The following FRA10AC1 variants were observed in gnomAD, a reference collection of about 807,000 sequenced individuals.
The protein encoded by FRA10AC1 is FRA10A associated CGG repeat 1, also known as protein FRA10AC1.
A neutral mutation model predicts 56.5 loss-of-function variants in FRA10AC1; 43 were observed. That is an observed-to-expected ratio of 0.76 (90% CI 0.60 to 0.98). The LOEUF (loss-of-function observed/expected upper bound fraction) is 0.98. Ranked by LOEUF, FRA10AC1 falls within the 50% of genes least tolerant of loss-of-function variation. FRA10AC1 has a pLI of 0.00. For missense variants in FRA10AC1, 346 were observed against 351.8 expected (o/e 0.98, Z 0.13); for synonymous variants, 112 against 110.5 (o/e 1.01, Z -0.09).
intron 2 of FRA10AC1, among the ~76,000 whole-genome samples, chr10:93,699,814 C>G (rs1330194435): frequency 6.6e-6 from 1 of 152,192 alleles, no homozygotes; most frequent in Non-Finnish European, 1.5e-5. Context: ...TCTTCTTTCC[C>G]TTTCAATAAA....
Position 93,669,079 on chromosome 10 carries a change from A to T in FRA10AC1, c.*747T>A, listed in dbSNP as rs1300712450. 1 of 152,098 alleles carries T rather than the reference A, an allele frequency of 6.6e-6. No individual in the cohort carries two copies. Among genetic ancestry groups the T allele is most frequent in the Non-Finnish European group, 1.5e-5 (1 of 68,046 alleles). 9.4% of individuals were successfully genotyped at this position (152,098 alleles called of 1,614,324 possible). Reference sequence around the variant, plus strand: ...AATAGTAAATTATCCACAGGCTAGGAAGTCAAATTTGATTATAACAAACTC... The same window carrying T: ...AATAGTAAATTATCCACAGGCTAGGTAGTCAAATTTGATTATAACAAACTC... On this transcript the variant is annotated 3_prime_UTR_variant, in exon 14 of 14. Coordinates refer to ENST00000359204, the MANE Select transcript of FRA10AC1 (RefSeq NM_145246.5).
In FRA10AC1 at chr10:93,684,065, A is replaced by G. The variant is rs1374090365; in HGVS notation, c.659T>C (p.Phe220Ser). Residue 220 changes from phenylalanine (F) to serine (S), a missense_variant, in exon 10 of 14, where the codon TTC (phenylalanine) becomes TCC (serine). Phe to Ser is a radical substitution (Grantham distance 155). Transcript: ENST00000359204. ...TTTTAAAAGACATTACCTGTGATGGAAATTTAATTTAATGGAACATTCTTG... is the reference window on the plus strand; with the variant it reads ...TTTTAAAAGACATTACCTGTGATGGGAATTTAATTTAATGGAACATTCTTG... Reference protein sequence around the residue: ...LCQECSIKLNFHHRRKEIKSK... With the variant: ...LCQECSIKLNSHHRRKEIKSK... The G allele has an allele frequency of 6.2e-7, 1 of 1,604,470 alleles. No individual in the cohort carries two copies. Among genetic ancestry groups the G allele is most frequent in the Non-Finnish European group, 8.5e-7 (1 of 1,171,916 alleles).
At chr10:93,672,111 T>A in intron 12 of FRA10AC1, 1 of 441,756 alleles carries the variant, frequency 2.3e-6, no homozygotes, top group Non-Finnish European at 4.5e-6. Flanking sequence ...ATGGCACAAA[T>A]GTGGCCTGTC....
chr10:93,702,522 A>ACCGCCGCCGCCGCCGCCGCGCCG lies in FRA10AC1; in HGVS notation c.-149_-148insCGGCGCGGCGGCGGCGGCGGCGG, dbSNP rs2059358363. On this transcript the variant is annotated 5_prime_UTR_variant, in exon 1 of 14. Transcript: ENST00000359204. ...GCCGCACAGCCTCGCCACAACCACCACCGCCGCCGCCGCCGCCGCCGCCGC... is the reference window on the plus strand; with the variant it reads ...GCCGCACAGCCTCGCCACAACCACCACCGCCGCCGCCGCCGCCGCGCCGCCGCCGCCGCCGCCGCCGCCGCCGC... The ACCGCCGCCGCCGCCGCCGCGCCG allele has an allele frequency of 4.7e-6, 1 of 211,550 alleles. No individual in the cohort carries two copies. Among genetic ancestry groups the ACCGCCGCCGCCGCCGCCGCGCCG allele is most frequent in the Non-Finnish European group, 9.3e-6 (1 of 107,802 alleles). The allele number at this position is 211,550 out of a possible 1,614,324, so 13.1% of individuals were successfully genotyped here. A position where few individuals can be genotyped will look rare whatever the true frequency, so the allele number is the denominator to read the frequency against.
At chr10:93,695,568 T>C (rs1413586739) in intron 4 of FRA10AC1, among the ~76,000 whole-genome samples, 2 of 152,104 alleles carry the variant, frequency 1.3e-5, no homozygotes, top group African/African-American at 4.8e-5. Flanking sequence ...TCAACAGCAC[T>C]CTCTCTAGAG....
chr10:93,670,295 A>T (rs976081137), intron 13 of FRA10AC1, among the ~76,000 whole-genome samples: 1 of 152,160 alleles, frequency 6.6e-6, no homozygotes, highest in Non-Finnish European at 1.5e-5. Context: ...ACTAAGGGGA[A>T]TTGGGTAAAT....
chr10:93,669,810 G>A lies in FRA10AC1; in HGVS notation c.*16C>T. On this transcript the variant is annotated 3_prime_UTR_variant, in exon 14 of 14. Coordinates refer to ENST00000359204, the MANE Select transcript of FRA10AC1 (RefSeq NM_145246.5). The stretch of plus-strand genomic sequence containing the variant: ...TGAAGTTTCACATTAAGGAGCGGAG[G>A]CTTCTCTCTCTCGTCTCATAGAAAC... 6.5e-7 allele frequency: 1 copy of A among 1,533,236 alleles called. No individual in the cohort carries two copies. The highest frequency in any genetic ancestry group is 8.9e-7 in the Non-Finnish European group (1 of 1,122,476). 95.0% of individuals were successfully genotyped at this position (1,533,236 alleles called of 1,614,324 possible). A position where few individuals can be genotyped will look rare whatever the true frequency, so the allele number is the denominator to read the frequency against.
chr10:93,681,737 TGA>T, intron 10 of FRA10AC1, 139 bp from the exon 11 acceptor site: 1 of 708,976 alleles, frequency 1.4e-6, no homozygotes, highest in Non-Finnish European at 2.1e-6. Context: ...GAACGTTAAG[TGA>T]GACTGTAAAT....
At chr10:93,677,223 C>A (rs1466702360) in intron 11 of FRA10AC1, among the ~76,000 whole-genome samples, 1 of 151,916 alleles carries the variant, frequency 6.6e-6, no homozygotes, top group Non-Finnish European at 1.5e-5. Context: ...CACTGAAGAT[C>A]GGTCAGTGTA....
At position 93,698,154 on chromosome 10, in the gene FRA10AC1, A is replaced by G; in HGVS notation, c.201T>C (p.His67=). The G allele has an allele frequency of 6.3e-7, 1 of 1,579,850 alleles. No homozygotes were observed. The highest frequency in any genetic ancestry group is 8.6e-7 in the Non-Finnish European group (1 of 1,159,244). The change falls in exon 4 of 14, where the codon CAT becomes CAC. Residue 67 remains histidine (H), a synonymous_variant. Coordinates refer to ENST00000359204, the MANE Select transcript of FRA10AC1 (RefSeq NM_145246.5). ...DREEARNRRF[H]LIAMDAYQRH... is the part of the protein sequence containing the mutation. ...AGGATACAGCATCCATAGCTATGAG[A>G]TGAAACCTTCTATTTCTTGCTTCTT...
At chr10:93,670,253 A>G (rs2058739616) in intron 13 of FRA10AC1, among the ~76,000 whole-genome samples, 1 of 152,172 alleles carries the variant, frequency 6.6e-6, no homozygotes, top group Admixed American at 6.6e-5. Context: ...ATTTTTAAGG[A>G]AAAATGTAAG....
chr10:93,674,948 C>T (rs2133896083), intron 12 of FRA10AC1: 1 of 152,282 alleles, frequency 6.6e-6, no homozygotes, highest in Non-Finnish European at 1.5e-5. Flanking sequence ...TCTATGATTT[C>T]ATCCTGAGAT....
intron 2 of FRA10AC1, among the ~76,000 whole-genome samples, chr10:93,699,554 A>G (rs909578987): frequency 6.6e-6 from 1 of 152,186 alleles, no homozygotes; most frequent in Non-Finnish European, 1.5e-5. Flanking sequence ...TTGCAATTCA[A>G]AAAAACCTTC....
intron 1 of FRA10AC1, among the ~76,000 whole-genome samples, chr10:93,701,844 C>T (rs2059338330): frequency 6.6e-6 from 1 of 152,016 alleles, no homozygotes; most frequent in African/African-American, 2.4e-5. Flanking sequence ...CTAGATTTCA[C>T]TGCTTGGCTC....
intron 2 of FRA10AC1, among the ~76,000 whole-genome samples, chr10:93,698,754 G>A (rs886254905): frequency 1.3e-5 from 2 of 152,066 alleles, no homozygotes; most frequent in African/African-American, 4.8e-5. Context: ...TGATAAGGAA[G>A]TTTTTGGTAA....
chr10:93,687,276 C>T, intron 8 of FRA10AC1, 128 bp downstream of exon 8: 2 of 676,198 alleles, frequency 3.0e-6, no homozygotes, highest in East Asian at 3.2e-5. Context: ...CATGAATACA[C>T]CTTCTCTAAT....
intron 7 of FRA10AC1, among the ~76,000 whole-genome samples, chr10:93,689,493 A>G (rs2059088691): frequency 6.6e-6 from 1 of 152,110 alleles, no homozygotes; most frequent in Non-Finnish European, 1.5e-5. Flanking sequence ...ATATGTTAGG[A>G]TGTCTACTGA....
At chr10:93,699,879 C>A in intron 2 of FRA10AC1, 151 bp downstream of exon 2, 1 of 470,334 alleles carries the variant, frequency 2.1e-6, no homozygotes, top group South Asian at 4.2e-5. Flanking sequence ...AATTTTTAAT[C>A]AATGTATTAG....
At chr10:93,670,997 A>C (rs1301283861) in intron 12 of FRA10AC1, 149 bp from the exon 13 acceptor site, 1 of 574,802 alleles carries the variant, frequency 1.7e-6, no homozygotes, top group African/African-American at 1.9e-5. Flanking sequence ...GGTACAATAA[A>C]TTCTTTTAAA....
Sources: gnomAD v4.1 joint callset for allele counts (sites outside exome capture counted in the v4.1 genomes callset) on GRCh38, gnomAD v4.1.1 for gene constraint, MANE v1.5 for transcripts, NCBI Gene and HGNC (gene_info 2026-07-23, HGNC 2026-07-21) for gene names.